ESR1: variants seen among roughly 807,000 people sequenced by gnomAD.
The protein encoded by ESR1 is estrogen receptor 1.
Under a neutral mutation model 52.7 loss-of-function variants are expected in ESR1, and 12 were observed. The observed-to-expected ratio is 0.23, with a 90% CI of 0.15 to 0.37. The LOEUF (loss-of-function observed/expected upper bound fraction) is 0.37. Ranked by LOEUF, ESR1 falls within the 10% of genes least tolerant of loss-of-function variation. ESR1 has a pLI of 1.00. For missense variants in ESR1, 584 were observed against 779.7 expected, an observed-to-expected ratio of 0.75 and a Z score of 2.99; for synonymous variants, 305 against 316.8, an observed-to-expected ratio of 0.96 and a Z score of 0.39.
chr6:151,933,465 G>T (rs538803824), intron 3 of ESR1, among the ~76,000 whole-genome samples: 79 of 149,394 alleles, frequency 5.3e-4, no homozygotes, highest in African/African-American at 1.8e-3. Flanking sequence ...CTGCCTAATT[G>T]CCCTGGCCAG....
chr6:151,836,296 T>C (rs776808072), intron 1 of ESR1, among the ~76,000 whole-genome samples: 1 of 152,186 alleles, frequency 6.6e-6, no homozygotes, highest in Non-Finnish European at 1.5e-5. Context: ...AGAGATTTAA[T>C]GGACTCACAG....
chr6:151,826,913 C>T (rs1781596823), intron 1 of ESR1, among the ~76,000 whole-genome samples: 1 of 152,078 alleles, frequency 6.6e-6, no homozygotes, highest in African/African-American at 2.4e-5. Context: ...GGAATAGTAC[C>T]ATGAGATATC....
intron 1 of ESR1, among the ~76,000 whole-genome samples, chr6:151,669,189 A>AGAGAGC (rs774737323): frequency 1.1e-5 from 1 of 87,116 alleles, no homozygotes; most frequent in Non-Finnish European, 2.4e-5. Flanking sequence ...AGAGAGAGAG[A>AGAGAGC]TGGGAATCCA....
At chr6:151,925,479 C>T (rs1040163978) in intron 3 of ESR1, among the ~76,000 whole-genome samples, 1 of 152,082 alleles carries the variant, frequency 6.6e-6, no homozygotes, top group Non-Finnish European at 1.5e-5. Flanking sequence ...TGGTGTCGGG[C>T]ACTTGTAATC....
chr6:151,736,375 G>GTTTTT lies in ESR1; in HGVS notation c.-71+34381_-71+34385dup, dbSNP rs10624912. On this transcript the variant is annotated intron_variant, in intron 2 of 2. Coordinates refer to the ESR1 transcript ENST00000404742. ...AAATACTTACTGTATTCCAGGTAGT[G>GTTTTT]TTTTTTTTTTTTTTTGAGATGGAGT... 1.2e-4 allele frequency among the ~76,000 whole-genome samples: 14 copies of GTTTTT among 112,720 alleles called. 1 individual carries two copies. Among genetic ancestry groups the GTTTTT allele is most frequent in the African/African-American group, 5.3e-4 (14 of 26,176 alleles). 73.9% of individuals were successfully genotyped at this position (112,720 alleles called of 152,430 possible).
At chr6:152,055,366 C>T (rs2047016320) in intron 5 of ESR1, among the ~76,000 whole-genome samples, 1 of 152,160 alleles carries the variant, frequency 6.6e-6, no homozygotes, top group Non-Finnish European at 1.5e-5. Flanking sequence ...TTATTTGCCT[C>T]TTAGCGCTTC....
At position 152,102,519 on chromosome 6, in the gene ESR1, T is replaced by G; in HGVS notation, c.*3553T>G. On this transcript the variant is annotated 3_prime_UTR_variant, in exon 8 of 8. Coordinates refer to ENST00000206249, the MANE Select transcript of ESR1 (RefSeq NM_000125.4). ...GCAGGTCTTGGGAGCGTGATCTAGA[T>G]TACACTGCACCATTCCCAAGTTAAT... is the stretch of plus-strand genomic sequence containing the variant. The G allele has an allele frequency of 4.7e-6, 1 of 211,508 alleles. No individual in the cohort carries two copies. Among genetic ancestry groups the G allele is most frequent in the Non-Finnish European group, 9.6e-6 (1 of 104,222 alleles). The allele number at this position is 211,508 out of a possible 1,614,324, so 13.1% of individuals were successfully genotyped here.
intron 5 of ESR1, among the ~76,000 whole-genome samples, chr6:152,027,343 A>C (rs1336978990): frequency 1.9e-5 from 1 of 51,722 alleles, no homozygotes; most frequent in African/African-American, 2.1e-4. Context: ...CTTTAGCCCC[A>C]ACCCCATTTT....
chr6:151,732,461 T>G (rs1782316817), intron 2 of ESR1, among the ~76,000 whole-genome samples: 1 of 152,106 alleles, frequency 6.6e-6, no homozygotes, highest in South Asian at 2.1e-4. Flanking sequence ...CAACACTATT[T>G]CTTTGATGAA....
intron 1 of ESR1, among the ~76,000 whole-genome samples, chr6:151,677,967 T>A (rs961003766): frequency 7.0e-6 from 1 of 142,218 alleles, no homozygotes; most frequent in Non-Finnish European, 1.5e-5. Flanking sequence ...TGTAAAAAAA[T>A]TAATAAAACG....
At chr6:151,959,693 CT>C (rs59292149) in intron 4 of ESR1, among the ~76,000 whole-genome samples, 7 of 149,398 alleles carry the variant, frequency 4.7e-5, no homozygotes, top group African/African-American at 7.4e-5. Flanking sequence ...TGTCTCAATT[CT>C]TTTTTTTTTA....
intron 6 of ESR1, among the ~76,000 whole-genome samples, chr6:152,082,842 A>G (rs1442768191): frequency 6.6e-6 from 1 of 152,250 alleles, no homozygotes; most frequent in East Asian, 1.9e-4. Flanking sequence ...GAGCCAAATC[A>G]TGAGTGAACT....
intron 2 of ESR1, among the ~76,000 whole-genome samples, chr6:151,735,107 T>C (rs1461945325): frequency 6.6e-6 from 1 of 152,220 alleles, no homozygotes; most frequent in Non-Finnish European, 1.5e-5. Flanking sequence ...GATGCTATCT[T>C]TCATGGCTGT....
At chr6:151,683,106 G>C (rs80234160) in intron 1 of ESR1, among the ~76,000 whole-genome samples, 8,239 of 152,230 alleles carry the variant, frequency 0.054, 227 homozygotes, top group African/African-American at 0.079. Flanking sequence ...ATACTGGGCT[G>C]CTTAAATATG....
chr6:152,045,660 T>G (rs1331043543), intron 5 of ESR1, among the ~76,000 whole-genome samples: 1 of 152,196 alleles, frequency 6.6e-6, no homozygotes, highest in Non-Finnish European at 1.5e-5. Flanking sequence ...AAGACTATGC[T>G]TGTTAGCACT....
rs2050434921 is a variant in ESR1 at position 152,094,250 on chromosome 6, C to T, written c.1370-135C>T. ...CACTGTAACCCGGTTTTAAATGGGT[C>T]CAGAGCATCCCCATTGCTAGACTAC... On this transcript the variant is annotated intron_variant, in intron 6 of 7. Coordinates refer to ENST00000206249, the MANE Select transcript of ESR1 (RefSeq NM_000125.4). This position sits in a 1 kb window ranked among gnomAD's most constrained non-coding sequence, Gnocchi z 4.6. 2 of 821,308 alleles carry T rather than the reference C, an allele frequency of 2.4e-6. No individual in the cohort carries two copies. The highest frequency in any genetic ancestry group is 1.7e-5 in the African/African-American group (1 of 60,104). 50.9% of individuals were successfully genotyped at this position (821,308 alleles called of 1,614,324 possible). A position where few individuals can be genotyped will look rare whatever the true frequency, so the allele number is the denominator to read the frequency against.
At chr6:151,661,033 C>T (rs1457909247) in intron 1 of ESR1, among the ~76,000 whole-genome samples, 2 of 151,872 alleles carry the variant, frequency 1.3e-5, no homozygotes, top group African/African-American at 4.8e-5. Flanking sequence ...ATACTGATAC[C>T]GATAAAAGAG....
intron 6 of ESR1, among the ~76,000 whole-genome samples, chr6:152,092,213 G>A (rs962006126): frequency 6.6e-6 from 1 of 152,202 alleles, no homozygotes; most frequent in African/African-American, 2.4e-5. Flanking sequence ...TAATTCAGCA[G>A]TTTCCTTCTT....
chr6:151,872,291 CT>C (rs1404692044), intron 2 of ESR1, among the ~76,000 whole-genome samples: 5 of 152,184 alleles, frequency 3.3e-5, no homozygotes, highest in East Asian at 3.9e-4. Flanking sequence ...CTTGCCACCC[CT>C]GTCCCAATTC....
Sources: gnomAD v4.1 joint callset for allele counts (sites outside exome capture counted in the v4.1 genomes callset) on GRCh38, gnomAD v4.1.1 for gene constraint, Gnocchi (gnomAD v3.1) non-coding constraint, MANE v1.5 for transcripts, NCBI Gene and HGNC (gene_info 2026-07-23, HGNC 2026-07-21) for gene names.